CHSY1: variants seen among roughly 807,000 people sequenced by gnomAD.
The protein encoded by CHSY1 is chondroitin sulfate synthase 1.
CHSY1 carries 13 observed loss-of-function variants against 59.8 expected under a neutral mutation model. The ratio of observed to expected loss-of-function variants is 0.22; its 90% confidence interval spans 0.14 to 0.35. The LOEUF (loss-of-function observed/expected upper bound fraction) is 0.35, where lower values mean the gene tolerates loss of function less well. Ranked by LOEUF, CHSY1 falls within the 10% of genes least tolerant of loss-of-function variation. CHSY1 has a pLI of 1.00. For synonymous variants in CHSY1, 459 were observed against 401.2 expected, an observed-to-expected ratio of 1.14 and a Z score of -1.72; for missense variants, 947 against 1,030.6, an observed-to-expected ratio of 0.92 and a Z score of 1.11.
intron 2 of CHSY1, chr15:101,188,270 T>A: frequency 1.3e-6 from 1 of 797,064 alleles, no homozygotes; most frequent in Non-Finnish European, 1.5e-6. Flanking sequence ...CAAGAGACCG[T>A]AACTGCTGGT....
intron 2 of CHSY1, among the ~76,000 whole-genome samples, chr15:101,197,395 T>A (rs1258441004): frequency 2.6e-5 from 4 of 152,192 alleles, no homozygotes; most frequent in Admixed American, 1.3e-4. Context: ...AGCTCACCTG[T>A]TATGGCAGAG....
intron 2 of CHSY1, among the ~76,000 whole-genome samples, chr15:101,219,041 A>C (rs145414547): frequency 1.9e-4 from 29 of 152,302 alleles, no homozygotes; most frequent in African/African-American, 5.1e-4. Context: ...CTCTGAATCT[A>C]TCTCTCTACA....
At chr15:101,224,556 T>TGTCAACAGCGCAGATCACTGGACTCC (rs2038821073) in intron 2 of CHSY1, among the ~76,000 whole-genome samples, 1 of 152,140 alleles carries the variant, frequency 6.6e-6, no homozygotes, top group Non-Finnish European at 1.5e-5. Context: ...CAGAGAAGCC[T>TGTCAACAGCGCAGATCACTGGACTCC]GTCAACAGCG....
chr15:101,244,317 G>C (rs2039030682), intron 1 of CHSY1, among the ~76,000 whole-genome samples: 1 of 152,190 alleles, frequency 6.6e-6, no homozygotes, highest in African/African-American at 2.4e-5. Context: ...CTGGAAGCGT[G>C]AAGTTACAGT....
chr15:101,199,879 C>T (rs1313796624), intron 2 of CHSY1, among the ~76,000 whole-genome samples: 2 of 152,148 alleles, frequency 1.3e-5, no homozygotes, highest in Non-Finnish European at 2.9e-5. Context: ...CCCAAAACCA[C>T]GAACAGCAGC....
intron 1 of CHSY1, among the ~76,000 whole-genome samples, chr15:101,242,955 G>A (rs1239715525): frequency 6.6e-6 from 1 of 152,186 alleles, no homozygotes; most frequent in African/African-American, 2.4e-5. Context: ...GTGAATGGTG[G>A]GAAAATTATT....
At chr15:101,242,812 A>G (rs1395702027) in intron 1 of CHSY1, among the ~76,000 whole-genome samples, 1 of 152,128 alleles carries the variant, frequency 6.6e-6, no homozygotes, top group Non-Finnish European at 1.5e-5. Context: ...GCAGTTTCCC[A>G]CTTCTGTGCA....
At chr15:101,187,933 T>C in intron 2 of CHSY1, 3 of 741,388 alleles carry the variant, frequency 4.0e-6, no homozygotes, top group Non-Finnish European at 4.9e-6. Flanking sequence ...TCCCAGGAAC[T>C]TCTAGCCCAG....
At chr15:101,245,331 A>G (rs1205630756) in intron 1 of CHSY1, among the ~76,000 whole-genome samples, 1 of 152,160 alleles carries the variant, frequency 6.6e-6, no homozygotes, top group Admixed American at 6.5e-5. Flanking sequence ...CTCTGCCTCA[A>G]AAACACCTCT....
chr15:101,204,117 G>A (rs1402232313), intron 2 of CHSY1, among the ~76,000 whole-genome samples: 1 of 152,140 alleles, frequency 6.6e-6, no homozygotes, highest in Non-Finnish European at 1.5e-5. Context: ...CATTATATCT[G>A]CAACTTCCAA....
intron 2 of CHSY1, chr15:101,188,101 G>C (rs751908478): frequency 1.3e-5 from 13 of 985,268 alleles, no homozygotes; most frequent in Non-Finnish European, 1.6e-5. Context: ...CTGTCCTTCA[G>C]CACGTACACG....
In CHSY1 at chr15:101,178,717, G is replaced by T; in HGVS notation, c.1080C>A (p.Pro360=). 1.9e-6 allele frequency: 3 copies of T among 1,614,248 alleles called. No homozygotes were observed. Among genetic ancestry groups the T allele is most frequent in the Non-Finnish European group, 2.5e-6 (3 of 1,180,042 alleles). ...HKEDLQLGIP[P]SFMRFQPRQR... The stretch of plus-strand genomic sequence containing the variant: ...GGCGGGGCTGAAACCTCATGAAGGA[G>T]GGAGGGATTCCCAGCTGGAGGTCCT... The change falls in exon 3 of 3, where the codon CCC becomes CCA. Residue 360 remains proline, a synonymous_variant. Transcript: ENST00000254190.
At chr15:101,219,742 C>T (rs2038770495) in intron 2 of CHSY1, among the ~76,000 whole-genome samples, 1 of 152,096 alleles carries the variant, frequency 6.6e-6, no homozygotes, top group Non-Finnish European at 1.5e-5. Flanking sequence ...CAGCACATAC[C>T]CCATCCTTGT....
Position 101,177,995 on chromosome 15 carries a change from A to G in CHSY1, c.1802T>C (p.Ile601Thr), listed in dbSNP as rs1187993108. 1.2e-6 allele frequency: 2 copies of G among 1,614,056 alleles called. No homozygotes were observed. The highest frequency in any genetic ancestry group is 1.7e-6 in the Non-Finnish European group (2 of 1,180,046). Residue 601 changes from isoleucine (I) to threonine (T), a missense_variant, in exon 3 of 3, where the codon ATT becomes ACT. Physicochemically the swap from Ile to Thr is moderately conservative, Grantham distance 89 (BLOSUM62 -1). Coordinates refer to ENST00000254190, the MANE Select transcript of CHSY1 (RefSeq NM_014918.5). ...TGAAAACTCTCCAGACACAGGCAAA[A>G]TCTGCATGTCGGCTTTAGGGTACTT... ...RIKYPKADMQ[I>T]LPVSGEFSRA...
chr15:101,201,094 G>T lies in CHSY1; in HGVS notation c.817-22114C>A, dbSNP rs963058643. Among the ~76,000 whole-genome samples, 4 of 145,816 alleles carry T rather than the reference G, an allele frequency of 2.7e-5. No individual in the cohort carries two copies. The Admixed American group carries it at 2.7e-4, about 10-fold the overall frequency. ...CTGCCCTCCCAGGGCAACCCAGAGTGTGTCTATAGGTGGGGGCGGTGCGGG... is the reference window on the plus strand; with the variant it reads ...CTGCCCTCCCAGGGCAACCCAGAGTTTGTCTATAGGTGGGGGCGGTGCGGG... On this transcript the variant is annotated intron_variant, in intron 2 of 2. Coordinates refer to ENST00000254190, the MANE Select transcript of CHSY1 (RefSeq NM_014918.5).
chr15:101,231,917 C>T (rs1237811945), intron 2 of CHSY1, among the ~76,000 whole-genome samples: 3 of 152,236 alleles, frequency 2.0e-5, no homozygotes, highest in Non-Finnish European at 4.4e-5. Flanking sequence ...GCAAGGGGAG[C>T]CAGGAGCTGA....
chr15:101,225,820 A>G lies in CHSY1; in HGVS notation c.816+9262T>C, dbSNP rs148723951. ...AACGGACTAACACGCCAGTTCTATT[A>G]TGGGAATTGAGGTGATAACAGCTGT... On this transcript the variant is annotated intron_variant, in intron 2 of 2. Coordinates refer to ENST00000254190, the MANE Select transcript of CHSY1 (RefSeq NM_014918.5). 1.7e-3 allele frequency among the ~76,000 whole-genome samples: 254 copies of G among 152,320 alleles called. 4 individuals are homozygous for G. In the East Asian group the frequency reaches 0.044, roughly 26 times the overall value.
At chr15:101,186,026 C>G (rs955274913) in intron 2 of CHSY1, among the ~76,000 whole-genome samples, 24 of 151,234 alleles carry the variant, frequency 1.6e-4, no homozygotes, top group African/African-American at 5.8e-4. Context: ...CTGCATTCAA[C>G]AGGAAATTGT....
chr15:101,239,629 G>C (rs1055431354), intron 1 of CHSY1, among the ~76,000 whole-genome samples: 1 of 152,236 alleles, frequency 6.6e-6, no homozygotes, highest in African/African-American at 2.4e-5. Context: ...AAATAAGGTA[G>C]TGAAAGAACA....
Sources: allele counts gnomAD v4.1 joint callset (sites outside exome capture counted in the v4.1 genomes callset), GRCh38; gene constraint gnomAD v4.1.1; transcripts MANE v1.5; gene names NCBI Gene and HGNC (gene_info 2026-07-23, HGNC 2026-07-21).